The following RPN1 variants were observed in gnomAD, a reference collection of about 807,000 sequenced individuals.
The protein encoded by RPN1 is ribophorin I, also known as dolichyl-diphosphooligosaccharide--protein glycosyltransferase subunit 1.
In RPN1, 12 loss-of-function variants were observed where a neutral mutation model predicts 55.5. The ratio of observed to expected loss-of-function variants is 0.22; its 90% CI spans 0.14 to 0.35. The LOEUF is 0.35. Ranked by LOEUF, RPN1 falls within the 10% of genes least tolerant of loss-of-function variation. The pLI, the probability that RPN1 is intolerant of heterozygous loss-of-function variation, is 1.00. For synonymous variants in RPN1, 317 were observed against 305.9 expected (o/e 1.04, Z -0.38); for missense variants, 679 against 761.3 (o/e 0.89, Z 1.27).
At chr3:128,641,960 A>G (rs1476154526) in intron 2 of RPN1, among the ~76,000 whole-genome samples, 1 of 152,144 alleles carries the variant, frequency 6.6e-6, no homozygotes, top group Admixed American at 6.6e-5. Flanking sequence ...CTATTATTTT[A>G]CTGATGAGGA....
chr3:128,648,343 C>T (rs1465146125), intron 1 of RPN1, among the ~76,000 whole-genome samples: 3 of 151,760 alleles, frequency 2.0e-5, no homozygotes, highest in African/African-American at 4.8e-5. Context: ...TGCAGTGAGC[C>T]GAGATTGCAC....
intron 1 of RPN1, among the ~76,000 whole-genome samples, chr3:128,647,841 CA>C (rs1432496587): frequency 6.6e-6 from 1 of 151,840 alleles, no homozygotes; most frequent in Non-Finnish European, 1.5e-5. Flanking sequence ...ATACAGGATC[CA>C]AAAGAGAGGA....
chr3:128,622,793 A>G (rs2069570066), intron 8 of RPN1, among the ~76,000 whole-genome samples: 1 of 151,704 alleles, frequency 6.6e-6, no homozygotes, highest in Admixed American at 6.6e-5. Context: ...GCTACTCAGG[A>G]GGCTGAGGCA....
intron 3 of RPN1, among the ~76,000 whole-genome samples, chr3:128,635,694 C>T (rs868764668): frequency 0.015 from 1,698 of 110,758 alleles, 28 homozygotes; most frequent in African/African-American, 0.05. Flanking sequence ...TAGATATACA[C>T]ACACACACAC....
intron 3 of RPN1, among the ~76,000 whole-genome samples, chr3:128,632,377 CA>C (rs1204458401): frequency 6.6e-6 from 1 of 152,012 alleles, no homozygotes; most frequent in East Asian, 1.9e-4. Context: ...AAATAGGACA[CA>C]AAAAAATAAT....
chr3:128,624,144 T>A (rs2069581170), intron 8 of RPN1, among the ~76,000 whole-genome samples: 1 of 152,102 alleles, frequency 6.6e-6, no homozygotes, highest in Non-Finnish European at 1.5e-5. Flanking sequence ...TTGGTTTCAG[T>A]TCCCTCAAAC....
intron 5 of RPN1, among the ~76,000 whole-genome samples, chr3:128,628,589 ATT>A (rs996211840): frequency 8.0e-5 from 12 of 150,596 alleles, no homozygotes; most frequent in Admixed American, 7.4e-4. Context: ...ATTTTTAAAA[ATT>A]TTTTTGTAGA....
At chr3:128,639,917 C>G (rs2069712742) in intron 2 of RPN1, among the ~76,000 whole-genome samples, 1 of 152,088 alleles carries the variant, frequency 6.6e-6, no homozygotes, top group African/African-American at 2.4e-5. Context: ...CTTGTATCAT[C>G]CTCATATCAA....
In RPN1 at chr3:128,625,958, G is replaced by A. The variant is rs2069596827; in HGVS notation, c.1191C>T (p.His397=). Residue 397 remains histidine, a synonymous_variant, in exon 7 of 10, where the codon CAC becomes CAT. Transcript: ENST00000296255. ...YEISRAPDEL[H]YTYLDTFGRP... ...GGCCAAATGTGTCCAGATAGGTGTA[G>A]TGCAGCTCATCTGGGGCACGGCTGA... 6.2e-7 allele frequency: 1 copy of A among 1,612,836 alleles called. No homozygotes were observed. The highest frequency in any genetic ancestry group is 8.5e-7 in the Non-Finnish European group (1 of 1,179,284).
rs377675448 is a variant in RPN1, at chr3:128,620,401, C to T, written c.*10G>A. ...GGCACCCTGGGCCCCCTGGAGGATG[C>T]GGGCAGGGGCTACAGGGCATCCAGG... On this transcript the variant is annotated 3_prime_UTR_variant, in exon 10 of 10. Transcript: ENST00000296255. 4.4e-6 allele frequency: 7 copies of T among 1,602,554 alleles called. No homozygotes were observed. Among genetic ancestry groups the T allele is most frequent in the Non-Finnish European group, 6.0e-6 (7 of 1,172,268 alleles).
At chr3:128,633,464 T>C (rs572899702) in intron 3 of RPN1, among the ~76,000 whole-genome samples, 39 of 152,188 alleles carry the variant, frequency 2.6e-4, no homozygotes, top group Non-Finnish European at 5.1e-4. Flanking sequence ...TCTACCCACC[T>C]TGACCTCCCA....
At position 128,622,228 on chromosome 3, in the gene RPN1, A is replaced by G. The variant is rs765626173; in HGVS notation, c.1577T>C (p.Leu526Ser). 1.2e-6 allele frequency: 2 copies of G among 1,614,210 alleles called. No homozygotes were observed. The highest frequency in any genetic ancestry group is 1.7e-6 in the Non-Finnish European group (2 of 1,180,006). ...CTGCAGCAGTGCAATCTCACTGGTC[A>G]AGGCCTTGTGTTCAGTCTCCAGGCT... ...KKSLETEHKALTSEIALLQSR... is the reference protein window; with the variant it reads ...KKSLETEHKASTSEIALLQSR... The change falls in exon 9 of 10, where the codon TTG becomes TCG. Residue 526 changes from leucine (L) to serine (S), a missense_variant. Physicochemically the swap from Leu to Ser is moderately radical, Grantham distance 145 (BLOSUM62 -2). Coordinates refer to ENST00000296255, the MANE Select transcript of RPN1 (RefSeq NM_002950.4).
intron 1 of RPN1, among the ~76,000 whole-genome samples, chr3:128,645,399 G>A (rs1222160039): frequency 1.3e-5 from 2 of 151,914 alleles, no homozygotes; most frequent in Non-Finnish European, 2.9e-5. Flanking sequence ...GAACCCGGGA[G>A]GCAGAGGTTG....
chr3:128,632,203 T>G, intron 3 of RPN1, 46 bp from the exon 4 acceptor site: 1 of 1,575,102 alleles, frequency 6.3e-7, no homozygotes, highest in Non-Finnish European at 8.7e-7. Flanking sequence ...CAACAGAGAA[T>G]GCACCATTAG....
rs2069550850 is a variant in RPN1, at chr3:128,620,444, G to A, written c.1791C>T (p.Val597=). The part of the protein sequence containing the change: ...KLISGKRQEL[V]TKIDHILDAL ...CATCCAGGATGTGGTCGATCTTGGTGACCAGCTCCTGGCGCTTTCCTGAGA... is the reference window on the plus strand; with the variant it reads ...CATCCAGGATGTGGTCGATCTTGGTAACCAGCTCCTGGCGCTTTCCTGAGA... The change falls in exon 10 of 10, where the codon GTC becomes GTT. Residue 597 remains valine, a synonymous_variant. Coordinates refer to ENST00000296255, the MANE Select transcript of RPN1 (RefSeq NM_002950.4). The A allele has an allele frequency of 6.2e-7, 1 of 1,614,030 alleles. No homozygotes were observed. The highest frequency in any genetic ancestry group is 8.5e-7 in the Non-Finnish European group (1 of 1,179,954).
intron 3 of RPN1, among the ~76,000 whole-genome samples, chr3:128,633,785 C>T (rs1231388264): frequency 6.6e-6 from 1 of 151,982 alleles, no homozygotes; most frequent in Non-Finnish European, 1.5e-5. Flanking sequence ...AAGTTTGAGA[C>T]CAGCCTGGCC....
At chr3:128,644,102 G>T (rs905108369) in intron 2 of RPN1, among the ~76,000 whole-genome samples, 38 of 152,188 alleles carry the variant, frequency 2.5e-4, no homozygotes, top group Non-Finnish European at 4.4e-5. Flanking sequence ...GGGGAAGGTT[G>T]TCTGCCCCAT....
intron 3 of RPN1, among the ~76,000 whole-genome samples, chr3:128,633,604 A>C (rs1309372135): frequency 6.6e-6 from 1 of 152,178 alleles, no homozygotes; most frequent in Non-Finnish European, 1.5e-5. Context: ...ACTTTTGTAT[A>C]ATATGCAGAG....
intron 8 of RPN1, among the ~76,000 whole-genome samples, chr3:128,624,120 A>G (rs1413468370): frequency 6.6e-6 from 1 of 152,140 alleles, no homozygotes; most frequent in Admixed American, 6.5e-5. Flanking sequence ...ACAAAAAGTC[A>G]GCCCTCCACA....
Sources: gnomAD v4.1 joint callset for allele counts (sites outside exome capture counted in the v4.1 genomes callset) on GRCh38, gnomAD v4.1.1 for gene constraint, MANE v1.5 for transcripts, NCBI Gene and HGNC (gene_info 2026-07-23, HGNC 2026-07-21) for gene names.